NDST3: variants seen among roughly 807,000 people sequenced by gnomAD.
NDST3 encodes the protein N-deacetylase and N-sulfotransferase 3, also known as bifunctional heparan sulfate N-deacetylase/N-sulfotransferase 3.
Under a neutral mutation model 96.1 loss-of-function variants are expected in NDST3, and 58 were observed. The ratio of observed to expected loss-of-function variants is 0.60; its 90% confidence interval spans 0.49 to 0.75. The LOEUF (loss-of-function observed/expected upper bound fraction) is 0.75, where lower values mean the gene tolerates loss of function less well. NDST3 is among the 30% of genes least tolerant of loss of function. The pLI, the probability that NDST3 is intolerant of heterozygous loss-of-function variation, is 0.00. For missense variants in NDST3, 788 were observed against 1,034.2 expected, an observed-to-expected ratio of 0.76 and a Z score of 3.27; for synonymous variants, 333 against 359.7, an observed-to-expected ratio of 0.93 and a Z score of 0.84.
intron 8 of NDST3, among the ~76,000 whole-genome samples, chr4:118,229,558 A>G (rs1306557391): frequency 1.3e-5 from 2 of 152,232 alleles, no homozygotes; most frequent in South Asian, 2.1e-4. Flanking sequence ...ACACTTATAA[A>G]TTCATTATGC....
intron 1 of NDST3, among the ~76,000 whole-genome samples, chr4:118,040,313 A>T (rs888233323): frequency 2.0e-5 from 3 of 152,204 alleles, no homozygotes; most frequent in African/African-American, 7.2e-5. Context: ...ATGAATGAAC[A>T]TTCAGAATTT....
chr4:118,098,571 C>T (rs915863055), intron 2 of NDST3, among the ~76,000 whole-genome samples: 5 of 151,926 alleles, frequency 3.3e-5, no homozygotes, highest in South Asian at 2.1e-4. Context: ...CATTCTTCAC[C>T]GCTGTAATTT....
chr4:118,097,567 C>T (rs1035156724), intron 2 of NDST3, among the ~76,000 whole-genome samples: 2 of 151,926 alleles, frequency 1.3e-5, no homozygotes, highest in Non-Finnish European at 2.9e-5. Flanking sequence ...TGTTCTGAAT[C>T]TCTGGGTTAG....
intron 2 of NDST3, among the ~76,000 whole-genome samples, chr4:118,081,369 AACTC>A (rs1727994617): frequency 6.6e-6 from 1 of 152,070 alleles, no homozygotes; most frequent in Non-Finnish European, 1.5e-5. Context: ...GTGCATATAA[AACTC>A]AGTTTATTTT....
At chr4:118,238,042 T>C (rs551649481) in intron 10 of NDST3, among the ~76,000 whole-genome samples, 72 of 150,800 alleles carry the variant, frequency 4.8e-4, no homozygotes, top group Non-Finnish European at 7.8e-4. Flanking sequence ...AGTGGGAGGA[T>C]TGCCTGAGCC....
At chr4:118,053,528 C>T (rs1029118821) in intron 1 of NDST3, among the ~76,000 whole-genome samples, 16 of 151,652 alleles carry the variant, frequency 1.1e-4, no homozygotes, top group African/African-American at 3.9e-4. Context: ...TTCTGTTAGC[C>T]CAAAGTCTTT....
At chr4:118,106,655 G>T (rs1217034592) in intron 3 of NDST3, among the ~76,000 whole-genome samples, 1 of 152,032 alleles carries the variant, frequency 6.6e-6, no homozygotes, top group East Asian at 1.9e-4. Flanking sequence ...GCCAGACATG[G>T]TGACATGTGC....
intron 6 of NDST3, among the ~76,000 whole-genome samples, chr4:118,182,991 A>T (rs149699609): frequency 4.6e-5 from 7 of 152,298 alleles, no homozygotes; most frequent in African/African-American, 1.7e-4. Flanking sequence ...AAGGGAAGGG[A>T]TCAGAAAATA....
At position 118,163,963 on chromosome 4, in the gene NDST3, G is replaced by A. The variant is rs150452064; in HGVS notation, c.1539+20279G>A. On this transcript the variant is annotated intron_variant, in intron 6 of 13. Coordinates refer to ENST00000296499, the MANE Select transcript of NDST3 (RefSeq NM_004784.3). ...GCAATTCCTCAAACACCTAAAGACA[G>A]AACTACCATTTGATCCAGCAATCCC... is the stretch of plus-strand genomic sequence containing the variant. Among the ~76,000 whole-genome samples, 865 of 152,098 alleles carry A rather than the reference G, an allele frequency of 5.7e-3. 11 individuals are homozygous for A. Among genetic ancestry groups the A allele is most frequent in the African/African-American group, 0.02 (831 of 41,478 alleles).
chr4:118,120,969 C>T (rs1454411280), intron 4 of NDST3, among the ~76,000 whole-genome samples: 1 of 151,614 alleles, frequency 6.6e-6, no homozygotes, highest in African/African-American at 2.4e-5. Context: ...CTGCCCGACC[C>T]TCTGTCCATG....
intron 6 of NDST3, among the ~76,000 whole-genome samples, chr4:118,178,055 G>A (rs1453215465): frequency 6.6e-6 from 1 of 151,362 alleles, no homozygotes; most frequent in African/African-American, 2.4e-5. Context: ...ATATTCTGAG[G>A]GTCTCAAGGA....
intron 2 of NDST3, among the ~76,000 whole-genome samples, chr4:118,057,561 A>C (rs1351265031): frequency 1.3e-5 from 2 of 152,106 alleles, no homozygotes; most frequent in Non-Finnish European, 2.9e-5. Context: ...TAAGAGTTTG[A>C]AAGAACAGTC....
At chr4:118,095,454 T>G (rs1578627985) in intron 2 of NDST3, among the ~76,000 whole-genome samples, 1 of 151,942 alleles carries the variant, frequency 6.6e-6, no homozygotes, top group South Asian at 2.1e-4. Context: ...GCATAGGACA[T>G]GTATTGCAAA....
At chr4:118,044,496 A>G (rs973636702) in intron 1 of NDST3, among the ~76,000 whole-genome samples, 1 of 152,326 alleles carries the variant, frequency 6.6e-6, no homozygotes, top group Admixed American at 6.5e-5. Flanking sequence ...TCCCTCACCT[A>G]TGATGATTAA....
At chr4:118,249,308 A>G (rs1278131699) in intron 12 of NDST3, among the ~76,000 whole-genome samples, 1 of 152,172 alleles carries the variant, frequency 6.6e-6, no homozygotes, top group Non-Finnish European at 1.5e-5. Flanking sequence ...GAATACTTAA[A>G]ATGAGTCAGA....
chr4:118,040,035 C>T (rs1248862001), intron 1 of NDST3, among the ~76,000 whole-genome samples: 1 of 152,158 alleles, frequency 6.6e-6, no homozygotes, highest in African/African-American at 2.4e-5. Flanking sequence ...GAGCCAAGAA[C>T]ATTTGTGGTG....
At position 118,114,929 on chromosome 4, in the gene NDST3, A is replaced by G. The variant is rs1730954678; in HGVS notation, c.1193A>G (p.Glu398Gly). The G allele has an allele frequency of 1.2e-6, 2 of 1,613,942 alleles. No individual in the cohort carries two copies. Among genetic ancestry groups the G allele is most frequent in the African/African-American group, 2.7e-5 (2 of 74,906 alleles). ...HLFHNESSLV[E>G]QMILNKKFAL... ...TTCCACAATGAGTCATCTTTGGTGG[A>G]GCAGATGATTCTCAACAAAAAATTT... is the stretch of plus-strand genomic sequence containing the variant. The change falls in exon 4 of 14, where the codon GAG becomes GGG. Residue 398 changes from glutamate to glycine, a missense_variant. By Grantham distance (98) the Glu-to-Gly change is moderately conservative. Coordinates refer to ENST00000296499, the MANE Select transcript of NDST3 (RefSeq NM_004784.3).
At chr4:118,138,601 C>A (rs1384808936) in intron 5 of NDST3, among the ~76,000 whole-genome samples, 1 of 152,160 alleles carries the variant, frequency 6.6e-6, no homozygotes, top group Non-Finnish European at 1.5e-5. Flanking sequence ...CCATGCTGCT[C>A]TTTGACAAGC....
chr4:118,156,679 T>C (rs759248729), intron 6 of NDST3, among the ~76,000 whole-genome samples: 1 of 152,198 alleles, frequency 6.6e-6, no homozygotes, highest in Non-Finnish European at 1.5e-5. Flanking sequence ...TTGAAGTCAT[T>C]GAGTTTATGA....
Sources: gnomAD v4.1 joint callset for allele counts (sites outside exome capture counted in the v4.1 genomes callset) on GRCh38, gnomAD v4.1.1 for gene constraint, MANE v1.5 for transcripts, NCBI Gene and HGNC (gene_info 2026-07-23, HGNC 2026-07-21) for gene names.